ITPR2: variants seen among roughly 807,000 people sequenced by gnomAD.
ITPR2 encodes the protein inositol 1,4,5-trisphosphate receptor type 2.
ITPR2 carries 207 observed loss-of-function variants against 317.1 expected under a neutral mutation model. The ratio of observed to expected loss-of-function variants is 0.65; its 90% CI spans 0.58 to 0.73. The LOEUF is 0.73. ITPR2 is among the 30% of genes least tolerant of loss of function. The pLI, the probability that ITPR2 is intolerant of heterozygous loss-of-function variation, is 0.00. For synonymous variants in ITPR2, 1,156 were observed against 1,149.1 expected, an observed-to-expected ratio of 1.01 and a Z score of -0.12; for missense variants, 2,613 against 3,284.0, an observed-to-expected ratio of 0.80 and a Z score of 4.99.
chr12:26,772,357 ATTTAGCCC>A (rs1458819888), intron 2 of ITPR2, among the ~76,000 whole-genome samples: 1 of 146,466 alleles, frequency 6.8e-6, no homozygotes, highest in African/African-American at 2.5e-5. Flanking sequence ...ATATCTTTTG[ATTTAGCCC>A]TTATCACTTT....
At chr12:26,660,104 A>G (rs1213378275) in intron 15 of ITPR2, among the ~76,000 whole-genome samples, 1 of 152,228 alleles carries the variant, frequency 6.6e-6, no homozygotes, top group Non-Finnish European at 1.5e-5. Context: ...CAGTGGGAAT[A>G]GCCAGTGCAA....
Position 26,400,364 on chromosome 12 carries a change from T to C in ITPR2, c.7400-106A>G, listed in dbSNP as rs1364845252. 3.9e-5 allele frequency: 19 copies of C among 491,880 alleles called. No homozygotes were observed. The East Asian group carries it at 6.8e-4, about 18-fold the overall frequency. 30.5% of individuals were successfully genotyped at this position (491,880 alleles called of 1,614,324 possible). ...TACAATAAATATACATACATATACATAAGTATGTAAATTTATACACATATG... is the reference window on the plus strand; with the variant it reads ...TACAATAAATATACATACATATACACAAGTATGTAAATTTATACACATATG... On this transcript the variant is annotated intron_variant, in intron 52 of 56. Coordinates refer to ENST00000381340, the MANE Select transcript of ITPR2 (RefSeq NM_002223.4).
chr12:26,674,520 C>T (rs1947863472), intron 13 of ITPR2, among the ~76,000 whole-genome samples: 1 of 152,162 alleles, frequency 6.6e-6, no homozygotes, highest in Non-Finnish European at 1.5e-5. Context: ...TGGATCCCTT[C>T]CTTACACCTT....
At position 26,564,908 on chromosome 12, in the gene ITPR2, T is replaced by C. The variant is rs996675569; in HGVS notation, c.4631-2956A>G. On this transcript the variant is annotated intron_variant, in intron 34 of 56. Coordinates refer to ENST00000381340, the MANE Select transcript of ITPR2 (RefSeq NM_002223.4). ...ATTTATGGCCAGCCGTAGAAAAATA[T>C]ACAAATGTCAATAGTATGGAGAAAA... Among the ~76,000 whole-genome samples, 6 of 152,288 alleles carry C rather than the reference T, an allele frequency of 3.9e-5. No individual in the cohort carries two copies. The South Asian group carries it at 6.2e-4, about 16-fold the overall frequency.
intron 21 of ITPR2, among the ~76,000 whole-genome samples, chr12:26,639,686 G>T (rs1387345619): frequency 7.2e-6 from 1 of 139,204 alleles, no homozygotes; most frequent in Admixed American, 8.2e-5. Context: ...TGTTCTCATT[G>T]TTCAATTCCC....
At chr12:26,778,122 A>T (rs1325538514) in intron 2 of ITPR2, among the ~76,000 whole-genome samples, 1 of 152,230 alleles carries the variant, frequency 6.6e-6, no homozygotes, top group African/African-American at 2.4e-5. Flanking sequence ...TGCCATAGAC[A>T]TACTTAGCAG....
At chr12:26,463,399 G>A (rs1244573264) in intron 45 of ITPR2, among the ~76,000 whole-genome samples, 1 of 152,156 alleles carries the variant, frequency 6.6e-6, no homozygotes, top group Non-Finnish European at 1.5e-5. Flanking sequence ...GGGCTCGGTG[G>A]CTCACGCCTG....
At chr12:26,434,504 A>G (rs1941300310) in intron 48 of ITPR2, among the ~76,000 whole-genome samples, 1 of 152,188 alleles carries the variant, frequency 6.6e-6, no homozygotes, top group South Asian at 2.1e-4. Context: ...TTTCATGTAC[A>G]ATAGGTGGCA....
intron 28 of ITPR2, among the ~76,000 whole-genome samples, 168 bp from the exon 29 acceptor site, chr12:26,600,277 C>T (rs888636345): frequency 2.0e-5 from 3 of 152,112 alleles, no homozygotes; most frequent in African/African-American, 7.2e-5. Flanking sequence ...TCCTGTCCCT[C>T]TTCTCTGTTT....
At chr12:26,764,738 C>G (rs949552251) in intron 2 of ITPR2, among the ~76,000 whole-genome samples, 2 of 151,788 alleles carry the variant, frequency 1.3e-5, no homozygotes, top group Non-Finnish European at 2.9e-5. Flanking sequence ...TACAAAAGAC[C>G]TGAACAGACA....
rs57676343 is a variant in ITPR2 at position 26,606,775 on chromosome 12, T to TA, written c.3463-4070dup. ...AGAAAGACTCTGTCTCTATAAAAAATAAAAAAAAAATTATTAGTTGGGCAT... is the reference window on the plus strand; with the variant it reads ...AGAAAGACTCTGTCTCTATAAAAAATAAAAAAAAAAATTATTAGTTGGGCAT... On this transcript the variant is annotated intron_variant, in intron 26 of 56. Transcript: ENST00000381340. Among the ~76,000 whole-genome samples the TA allele has an allele frequency of 6.1e-3, 909 of 149,586 alleles. 7 individuals carry two copies. The highest frequency in any genetic ancestry group is 0.019 in the African/African-American group (783 of 40,798).
At chr12:26,484,888 T>A (rs75128951) in intron 41 of ITPR2, among the ~76,000 whole-genome samples, 1 of 150,856 alleles carries the variant, frequency 6.6e-6, no homozygotes, top group Non-Finnish European at 1.5e-5. Flanking sequence ...ATTTTTTGTA[T>A]TTTTTTTTAG....
intron 13 of ITPR2, among the ~76,000 whole-genome samples, chr12:26,669,046 G>T (rs1278232474): frequency 6.6e-6 from 1 of 152,106 alleles, no homozygotes; most frequent in African/African-American, 2.4e-5. Context: ...TGAAACCTGG[G>T]AGGTCAAGGC....
intron 28 of ITPR2, 86 bp from the exon 29 acceptor site, chr12:26,600,195 A>G (rs1375185154): frequency 8.6e-7 from 1 of 1,164,070 alleles, no homozygotes; most frequent in African/African-American, 1.5e-5. Context: ...CCCACATACC[A>G]TTTTTCTCTC....
chr12:26,535,598 G>C (rs764327106), intron 37 of ITPR2, among the ~76,000 whole-genome samples: 2 of 152,196 alleles, frequency 1.3e-5, no homozygotes, highest in African/African-American at 2.4e-5. Flanking sequence ...AATCAGTCAA[G>C]TACTTGGGGA....
intron 55 of ITPR2, among the ~76,000 whole-genome samples, chr12:26,364,341 T>A (rs986222784): frequency 2.6e-5 from 4 of 152,208 alleles, no homozygotes; most frequent in South Asian, 2.1e-4. Flanking sequence ...TCTGTTTTGT[T>A]CACTGCCATT....
intron 2 of ITPR2, among the ~76,000 whole-genome samples, chr12:26,758,263 C>T (rs1949563516): frequency 6.6e-6 from 1 of 152,148 alleles, no homozygotes; most frequent in South Asian, 2.1e-4. Context: ...ACATTGATGT[C>T]TCCTTTTCTA....
At chr12:26,672,228 C>G (rs1033226040) in intron 13 of ITPR2, among the ~76,000 whole-genome samples, 2 of 151,232 alleles carry the variant, frequency 1.3e-5, no homozygotes, top group Admixed American at 1.3e-4. Context: ...ACTCTCCACC[C>G]CAAATCAACA....
At chr12:26,670,534 C>A (rs1466209636) in intron 13 of ITPR2, among the ~76,000 whole-genome samples, 1 of 152,080 alleles carries the variant, frequency 6.6e-6, no homozygotes, top group African/African-American at 2.4e-5. Flanking sequence ...GACATCCACA[C>A]CAAAAACCCA....
Sources: allele counts gnomAD v4.1 joint callset (sites outside exome capture counted in the v4.1 genomes callset), GRCh38; gene constraint gnomAD v4.1.1; transcripts MANE v1.5; gene names NCBI Gene and HGNC (gene_info 2026-07-23, HGNC 2026-07-21).